FSHR: variants seen among roughly 807,000 people sequenced by gnomAD.
FSHR encodes follicle-stimulating hormone receptor.
FSHR carries 46 observed loss-of-function variants against 52.1 expected under a neutral mutation model. The observed-to-expected ratio is 0.88, with a 90% CI of 0.70 to 1.13. The LOEUF is 1.13. Ranked by LOEUF, FSHR falls within the 50% of genes most tolerant of loss-of-function variation. The pLI is 0.00. For missense variants in FSHR, 964 were observed against 834.6 expected (o/e 1.16, Z -1.91); for synonymous variants, 399 against 309.6 (o/e 1.29, Z -3.03).
chr2:49,011,106 T>C (rs1255473158), intron 4 of FSHR, among the ~76,000 whole-genome samples: 1 of 151,504 alleles, frequency 6.6e-6, no homozygotes, highest in African/African-American at 2.4e-5. Flanking sequence ...TTCTAGTTCT[T>C]TTAATTTTGA....
At chr2:49,097,937 C>T (rs1407270138) in intron 1 of FSHR, among the ~76,000 whole-genome samples, 1 of 148,388 alleles carries the variant, frequency 6.7e-6, no homozygotes, top group Non-Finnish European at 1.5e-5. Context: ...TTTATACTCT[C>T]TGCCCAAATT....
rs144885130 is a variant in FSHR, at chr2:49,032,703, G to A, written c.225-12543C>T. On this transcript the variant is annotated intron_variant, in intron 2 of 9. Transcript: ENST00000406846. ...AGAAAAGTTAGGTGATTTACCCAAG[G>A]CCACACAGTGAGTGAAAGATAGAAG... Among the ~76,000 whole-genome samples the A allele has an allele frequency of 3.9e-3, 598 of 152,280 alleles. 5 individuals are homozygous for A. Among genetic ancestry groups the A allele is most frequent in the Non-Finnish European group, 6.6e-3 (448 of 68,016 alleles).
At chr2:49,139,975 T>G (rs996277437) in intron 1 of FSHR, among the ~76,000 whole-genome samples, 1 of 152,050 alleles carries the variant, frequency 6.6e-6, no homozygotes, top group Admixed American at 6.6e-5. Context: ...GATTTATTAA[T>G]GGTGGTATTG....
At chr2:49,006,600 G>A (rs924908594) in intron 4 of FSHR, among the ~76,000 whole-genome samples, 2 of 151,974 alleles carry the variant, frequency 1.3e-5, no homozygotes, top group African/African-American at 4.8e-5. Context: ...TATCACTCAA[G>A]TTCCAGCTAT....
At chr2:48,983,387 C>T (rs780813554) in intron 6 of FSHR, among the ~76,000 whole-genome samples, 1 of 152,120 alleles carries the variant, frequency 6.6e-6, no homozygotes, top group Non-Finnish European at 1.5e-5. Flanking sequence ...ATTACCTATT[C>T]AAAGGATTAA....
intron 1 of FSHR, among the ~76,000 whole-genome samples, chr2:49,088,267 C>T (rs562748750): frequency 2.0e-5 from 3 of 152,104 alleles, no homozygotes; most frequent in Non-Finnish European, 4.4e-5. Flanking sequence ...GATAACAAAA[C>T]AGTTCTGGAG....
At chr2:49,065,631 C>T (rs1354740955) in intron 2 of FSHR, among the ~76,000 whole-genome samples, 2 of 152,082 alleles carry the variant, frequency 1.3e-5, no homozygotes, top group East Asian at 1.9e-4. Context: ...GATGTTTAGG[C>T]ATCTTTCCAA....
intron 4 of FSHR, among the ~76,000 whole-genome samples, chr2:49,002,571 G>T (rs375691788): frequency 1.3e-5 from 2 of 152,150 alleles, no homozygotes; most frequent in South Asian, 4.1e-4. Flanking sequence ...AAGAAGTGCC[G>T]AGCAAAGGGG....
chr2:49,031,928 T>C (rs1184769112), intron 2 of FSHR, among the ~76,000 whole-genome samples: 1 of 152,222 alleles, frequency 6.6e-6, no homozygotes, highest in Non-Finnish European at 1.5e-5. Flanking sequence ...TACTAGAGTC[T>C]AGTCTAGTGA....
intron 1 of FSHR, among the ~76,000 whole-genome samples, chr2:49,072,866 T>G (rs189203444): frequency 5.0e-4 from 76 of 152,298 alleles, no homozygotes; most frequent in African/African-American, 1.8e-3. Context: ...TGAAGAAAGC[T>G]GGATTTACCA....
intron 1 of FSHR, among the ~76,000 whole-genome samples, chr2:49,076,555 C>T (rs1669957048): frequency 6.6e-6 from 1 of 152,122 alleles, no homozygotes; most frequent in Non-Finnish European, 1.5e-5. Flanking sequence ...TGGCCCCTCC[C>T]AAATCTCATG....
At chr2:49,013,678 C>G (rs912704424) in intron 4 of FSHR, among the ~76,000 whole-genome samples, 1 of 151,438 alleles carries the variant, frequency 6.6e-6, no homozygotes, top group Non-Finnish European at 1.5e-5. Flanking sequence ...AGATAGACAA[C>G]TCTTGGTCTC....
At chr2:49,146,222 C>T (rs1481694847) in intron 1 of FSHR, among the ~76,000 whole-genome samples, 4 of 152,046 alleles carry the variant, frequency 2.6e-5, no homozygotes, top group Non-Finnish European at 5.9e-5. Context: ...AGAGGCAATG[C>T]CATCTTCTAG....
intron 1 of FSHR, among the ~76,000 whole-genome samples, chr2:49,113,083 G>A (rs1318988118): frequency 6.6e-6 from 1 of 152,136 alleles, no homozygotes; most frequent in Non-Finnish European, 1.5e-5. Flanking sequence ...CAGCGCTCTA[G>A]AGGTTATGAC....
At chr2:49,073,936 G>A (rs1242302122) in intron 1 of FSHR, among the ~76,000 whole-genome samples, 1 of 152,008 alleles carries the variant, frequency 6.6e-6, no homozygotes, top group East Asian at 1.9e-4. Context: ...CACTCACTGG[G>A]GAAAGGACAG....
At chr2:49,064,660 T>C (rs1177501345) in intron 2 of FSHR, among the ~76,000 whole-genome samples, 1 of 151,974 alleles carries the variant, frequency 6.6e-6, no homozygotes, top group Non-Finnish European at 1.5e-5. Context: ...GAGAAAGAGA[T>C]GGGTGGATAG....
chr2:48,973,872 T>G (rs1674857992), intron 8 of FSHR, among the ~76,000 whole-genome samples: 1 of 152,246 alleles, frequency 6.6e-6, no homozygotes, highest in African/African-American at 2.4e-5. Flanking sequence ...TTCTATTGTT[T>G]CCTATGGTTG....
intron 1 of FSHR, among the ~76,000 whole-genome samples, chr2:49,132,888 T>C (rs892716940): frequency 6.8e-6 from 1 of 147,124 alleles, no homozygotes. Flanking sequence ...ACAAAAACTA[T>C]TCAGAGTTTC....
intron 1 of FSHR, among the ~76,000 whole-genome samples, chr2:49,141,338 A>G (rs183755184): frequency 1.3e-5 from 2 of 152,240 alleles, no homozygotes; most frequent in East Asian, 3.9e-4. Context: ...TGCAGGCTCT[A>G]CAGGAAGTGT....
Sources: gnomAD v4.1 joint callset for allele counts (sites outside exome capture counted in the v4.1 genomes callset) on GRCh38, gnomAD v4.1.1 for gene constraint, MANE v1.5 for transcripts, NCBI Gene and HGNC (gene_info 2026-07-23, HGNC 2026-07-21) for gene names.